STRBP: variants seen among roughly 807,000 people sequenced by gnomAD.
The protein encoded by STRBP is spermatid perinuclear RNA-binding protein.
A neutral mutation model predicts 80.1 loss-of-function variants in STRBP; 13 were observed. The ratio of observed to expected loss-of-function variants is 0.16; its 90% CI spans 0.11 to 0.26. The LOEUF (loss-of-function observed/expected upper bound fraction) is 0.26. STRBP is among the 10% of genes least tolerant of loss of function. The pLI is 1.00. For missense variants in STRBP, 485 were observed against 815.2 expected (o/e 0.59, Z 4.93); for synonymous variants, 284 against 291.2 (o/e 0.98, Z 0.25).
At chr9:123,111,288 T>C (rs1459353328) in intron 3 of STRBP, 2 of 210,630 alleles carry the variant, frequency 9.5e-6, no homozygotes, top group Non-Finnish European at 2.1e-5. Flanking sequence ...GAGCACGAGA[T>C]ACCCAGAACA....
intron 5 of STRBP, among the ~76,000 whole-genome samples, chr9:123,170,878 ACAGTAGC>A (rs2037978540): frequency 6.6e-6 from 1 of 152,164 alleles, no homozygotes; most frequent in Non-Finnish European, 1.5e-5. Flanking sequence ...TACCTGACAT[ACAGTAGC>A]CAGGCTGAAT....
chr9:123,265,369 A>G (rs1302395870), intron 1 of STRBP, among the ~76,000 whole-genome samples: 1 of 152,220 alleles, frequency 6.6e-6, no homozygotes, highest in Non-Finnish European at 1.5e-5. Flanking sequence ...ATCAACCCAG[A>G]AAGCTCCCAA....
intron 1 of STRBP, among the ~76,000 whole-genome samples, chr9:123,265,985 C>T (rs1028199959): frequency 1.1e-4 from 16 of 152,168 alleles, no homozygotes; most frequent in African/African-American, 3.4e-4. Context: ...ATTACATCAC[C>T]CCATGCTGCC....
chr9:123,233,260 T>G (rs530688830), intron 2 of STRBP, among the ~76,000 whole-genome samples: 4 of 151,914 alleles, frequency 2.6e-5, no homozygotes, highest in African/African-American at 9.7e-5. Flanking sequence ...TTTTTAGAGA[T>G]GGGGGGGTCT....
chr9:123,264,657 T>G (rs2041231177), intron 1 of STRBP, among the ~76,000 whole-genome samples: 1 of 152,226 alleles, frequency 6.6e-6, no homozygotes, highest in African/African-American at 2.4e-5. Flanking sequence ...ATTAAATATC[T>G]TGTCCAGCAA....
intron 1 of STRBP, among the ~76,000 whole-genome samples, chr9:123,258,679 C>T (rs2041090707): frequency 6.6e-6 from 1 of 152,074 alleles, no homozygotes; most frequent in Admixed American, 6.6e-5. Flanking sequence ...TGGCGGGCGC[C>T]TGTCGTCCCA....
intron 1 of STRBP, among the ~76,000 whole-genome samples, chr9:123,242,378 G>T (rs908814989): frequency 3.3e-5 from 5 of 152,156 alleles, no homozygotes; most frequent in Non-Finnish European, 7.3e-5. Flanking sequence ...TAAATGAATA[G>T]CCAGGCACGG....
intron 2 of STRBP, among the ~76,000 whole-genome samples, chr9:123,187,933 A>C (rs1427595783): frequency 6.8e-6 from 1 of 147,044 alleles, no homozygotes; most frequent in South Asian, 2.1e-4. Context: ...GGATTTTTAC[A>C]AATGACATGC....
chr9:123,179,124 G>A lies in STRBP; in HGVS notation c.107C>T (p.Ser36Phe). Residue 36 changes from serine (S) to phenylalanine (F), a missense_variant, in exon 4 of 19, where the codon TCT becomes TTT. By Grantham distance (155) the Ser-to-Phe change is radical. Coordinates refer to ENST00000348403, the MANE Select transcript of STRBP (RefSeq NM_018387.5). ...EELEAVQNMV[S>F]TVECALKHVS... Reference sequence around the variant, plus strand: ...ATGTTTAAGAGCACATTCAACAGTAGATACCATATTCTGAACAGCTTCAAG... The same window carrying A: ...ATGTTTAAGAGCACATTCAACAGTAAATACCATATTCTGAACAGCTTCAAG... 6.2e-7 allele frequency: 1 copy of A among 1,614,118 alleles called. No homozygotes were observed. The highest frequency in any genetic ancestry group is 8.5e-7 in the Non-Finnish European group (1 of 1,180,004).
chr9:123,179,367 G>A (rs1225531912), intron 3 of STRBP, 140 bp from the exon 4 acceptor site: 1 of 673,032 alleles, frequency 1.5e-6, no homozygotes, highest in African/African-American at 1.8e-5. Flanking sequence ...AGAAAAAACT[G>A]CTCCAGCGTG....
intron 4 of STRBP, among the ~76,000 whole-genome samples, chr9:123,175,144 T>C (rs2038166984): frequency 6.6e-6 from 1 of 152,192 alleles, no homozygotes; most frequent in Non-Finnish European, 1.5e-5. Flanking sequence ...AAGTTAATTG[T>C]TCAAGTTCAC....
chr9:123,118,960 C>T (rs1342976291), downstream of STRBP, among the ~76,000 whole-genome samples: 1 of 152,188 alleles, frequency 6.6e-6, no homozygotes, highest in East Asian at 1.9e-4. Flanking sequence ...AAAAAAGCAA[C>T]TTTCCAACTG....
chr9:123,224,351 C>G (rs532830646), intron 2 of STRBP, among the ~76,000 whole-genome samples: 12 of 152,268 alleles, frequency 7.9e-5, no homozygotes, highest in Admixed American at 3.3e-4. Flanking sequence ...TTAACTCTCT[C>G]GCAGTTCAGG....
At chr9:123,190,083 C>T (rs2038866042) in intron 2 of STRBP, among the ~76,000 whole-genome samples, 1 of 151,976 alleles carries the variant, frequency 6.6e-6, no homozygotes, top group Non-Finnish European at 1.5e-5. Flanking sequence ...AGTTCAAGGC[C>T]AGCCTGGCCA....
At chr9:123,191,707 A>C (rs1164559799) in intron 2 of STRBP, among the ~76,000 whole-genome samples, 1 of 152,180 alleles carries the variant, frequency 6.6e-6, no homozygotes, top group Non-Finnish European at 1.5e-5. Flanking sequence ...TAAAAGTATA[A>C]AAACCATTCT....
intron 2 of STRBP, among the ~76,000 whole-genome samples, chr9:123,235,497 A>G (rs568524136): frequency 6.7e-5 from 9 of 134,802 alleles, no homozygotes; most frequent in Non-Finnish European, 1.2e-4. Flanking sequence ...ATGAACTAAG[A>G]GCAACTTCAG....
intron 17 of STRBP, among the ~76,000 whole-genome samples, chr9:123,131,525 A>C (rs958296219): frequency 1.3e-5 from 2 of 152,186 alleles, no homozygotes; most frequent in African/African-American, 4.8e-5. Context: ...CTCCCATCCC[A>C]GTCTTCTTTG....
chr9:123,135,068 A>T (rs2036296233), intron 16 of STRBP, among the ~76,000 whole-genome samples: 1 of 152,202 alleles, frequency 6.6e-6, no homozygotes, highest in Non-Finnish European at 1.5e-5. Context: ...GCAATAGTAA[A>T]ATGTCCATGG....
At chr9:123,161,320 A>G (rs954746483) in intron 6 of STRBP, among the ~76,000 whole-genome samples, 1 of 152,242 alleles carries the variant, frequency 6.6e-6, no homozygotes, top group Non-Finnish European at 1.5e-5. Flanking sequence ...TTCAGTAAAC[A>G]AATCAATGAC....
Sources: gnomAD v4.1 joint callset for allele counts (sites outside exome capture counted in the v4.1 genomes callset) on GRCh38, gnomAD v4.1.1 for gene constraint, MANE v1.5 for transcripts, NCBI Gene and HGNC (gene_info 2026-07-23, HGNC 2026-07-21) for gene names.